Variants in AGBL4 observed in about 807,000 individuals in gnomAD.
The protein encoded by AGBL4 is cytosolic carboxypeptidase 6.
In AGBL4, 58 loss-of-function variants were observed where a neutral mutation model predicts 66.4. The ratio of observed to expected loss-of-function variants is 0.87; its 90% CI spans 0.71 to 1.09. AGBL4 has a LOEUF of 1.09. Among genes scored for constraint, AGBL4 ranks in the 50% least tolerant of loss-of-function variants. The probability of loss-of-function intolerance (pLI) is 0.00; values close to 1 mark genes in which losing one functional copy is unlikely to be tolerated. For missense variants in AGBL4, 579 were observed against 631.0 expected (o/e 0.92, Z 0.88); for synonymous variants, 234 against 222.9 (o/e 1.05, Z -0.44).
intron 5 of AGBL4, among the ~76,000 whole-genome samples, chr1:48,996,531 G>C (rs1019195128): frequency 6.6e-6 from 1 of 152,172 alleles, no homozygotes; most frequent in Non-Finnish European, 1.5e-5. Flanking sequence ...ATTTCAGGAA[G>C]TAGGTTGTCA....
chr1:49,373,158 C>A (rs755090909), intron 3 of AGBL4, among the ~76,000 whole-genome samples: 12 of 152,168 alleles, frequency 7.9e-5, no homozygotes, highest in Non-Finnish European at 1.5e-4. Flanking sequence ...ATACAACTCT[C>A]CCACTTTGTC....
intron 3 of AGBL4, among the ~76,000 whole-genome samples, chr1:49,246,250 T>C (rs909799200): frequency 3.9e-5 from 6 of 152,014 alleles, no homozygotes; most frequent in African/African-American, 9.6e-5. Flanking sequence ...TGGTACACAA[T>C]GAATGTCACA....
At chr1:49,994,054 C>CA (rs749758406) in intron 1 of AGBL4, among the ~76,000 whole-genome samples, 1 of 152,140 alleles carries the variant, frequency 6.6e-6, no homozygotes, top group Non-Finnish European at 1.5e-5. Context: ...ATGTTTTTGG[C>CA]AATTCTAGTC....
intron 2 of AGBL4, among the ~76,000 whole-genome samples, chr1:49,724,883 T>C (rs967713802): frequency 2.0e-5 from 3 of 152,142 alleles, no homozygotes; most frequent in African/African-American, 7.2e-5. Context: ...TCTTGGACTC[T>C]GCAGCCTCCA....
chr1:49,265,888 G>C (rs537634944), intron 3 of AGBL4, among the ~76,000 whole-genome samples: 2 of 152,080 alleles, frequency 1.3e-5, no homozygotes, highest in Admixed American at 1.3e-4. Flanking sequence ...AGGATATAGA[G>C]AGACAGATCA....
At chr1:49,546,959 G>T (rs1002246968) in intron 3 of AGBL4, among the ~76,000 whole-genome samples, 6 of 152,138 alleles carry the variant, frequency 3.9e-5, no homozygotes, top group African/African-American at 1.4e-4. Flanking sequence ...TGGGTTGTTT[G>T]CTTACTTTGC....
At chr1:49,453,392 C>A (rs1557954747) in intron 3 of AGBL4, among the ~76,000 whole-genome samples, 2 of 151,838 alleles carry the variant, frequency 1.3e-5, no homozygotes, top group Non-Finnish European at 2.9e-5. Flanking sequence ...ACCCAGCTAC[C>A]AAGTTATGGT....
At chr1:48,712,838 C>T (rs781208562) in intron 6 of AGBL4, among the ~76,000 whole-genome samples, 24 of 152,198 alleles carry the variant, frequency 1.6e-4, no homozygotes, top group Admixed American at 2.6e-4. Flanking sequence ...ATAGTTGTGG[C>T]CCCCGTGAAT....
chr1:49,959,607 A>G (rs576656516), intron 1 of AGBL4, among the ~76,000 whole-genome samples: 1 of 152,176 alleles, frequency 6.6e-6, no homozygotes, highest in South Asian at 2.1e-4. Context: ...TGCAGCCAAC[A>G]TGTGGAAAGC....
intron 8 of AGBL4, among the ~76,000 whole-genome samples, chr1:48,643,759 G>A (rs1645794025): frequency 6.9e-6 from 1 of 145,462 alleles, no homozygotes; most frequent in South Asian, 2.3e-4. Flanking sequence ...AAACTTATCT[G>A]ACTGGTCAGC....
chr1:49,525,985 G>C (rs372655794), intron 3 of AGBL4, among the ~76,000 whole-genome samples: 11 of 151,848 alleles, frequency 7.2e-5, no homozygotes, highest in African/African-American at 2.2e-4. Context: ...CCAGCTACTC[G>C]GGAGGCTGAG....
At chr1:49,356,382 C>G (rs1264913464) in intron 3 of AGBL4, among the ~76,000 whole-genome samples, 2 of 152,102 alleles carry the variant, frequency 1.3e-5, no homozygotes, top group Non-Finnish European at 2.9e-5. Context: ...GACTATTAAT[C>G]CAATAAACTA....
At chr1:48,939,888 A>T (rs550090832) in intron 5 of AGBL4, among the ~76,000 whole-genome samples, 35 of 152,312 alleles carry the variant, frequency 2.3e-4, no homozygotes, top group South Asian at 4.1e-4. Flanking sequence ...ATATCTGGAG[A>T]TATTTTTAGT....
At chr1:49,362,304 C>A (rs978857665) in intron 3 of AGBL4, among the ~76,000 whole-genome samples, 2 of 152,086 alleles carry the variant, frequency 1.3e-5, no homozygotes, top group Non-Finnish European at 2.9e-5. Flanking sequence ...ATGACTACAA[C>A]CAGCCTCTCA....
chr1:49,335,393 T>C (rs1372071613), intron 3 of AGBL4, among the ~76,000 whole-genome samples: 1 of 152,250 alleles, frequency 6.6e-6, no homozygotes, highest in Non-Finnish European at 1.5e-5. Flanking sequence ...CTTTTCTGTA[T>C]ATAATTCATT....
chr1:49,197,629 G>A (rs1647333853), intron 4 of AGBL4, among the ~76,000 whole-genome samples: 1 of 152,160 alleles, frequency 6.6e-6, no homozygotes, highest in Non-Finnish European at 1.5e-5. Flanking sequence ...CTCTCAAGAT[G>A]CAGTGGGGCT....
At chr1:48,845,784 T>C (rs1646895819) in intron 6 of AGBL4, among the ~76,000 whole-genome samples, 1 of 152,212 alleles carries the variant, frequency 6.6e-6, no homozygotes, top group Non-Finnish European at 1.5e-5. Flanking sequence ...CTACAGGCCA[T>C]GAAACTTTGG....
intron 4 of AGBL4, among the ~76,000 whole-genome samples, chr1:49,221,442 G>A (rs1401155108): frequency 6.6e-6 from 1 of 152,036 alleles, no homozygotes; most frequent in Non-Finnish European, 1.5e-5. Flanking sequence ...TATTTAAGTG[G>A]CTTCCTCATC....
chr1:49,850,920 C>T (rs68007327), intron 2 of AGBL4, among the ~76,000 whole-genome samples: 28,339 of 151,936 alleles, frequency 0.19, 3,264 homozygotes, highest in East Asian at 0.42. Flanking sequence ...TCAGAACACC[C>T]ACAGCATTTG....
Sources: allele counts gnomAD v4.1 joint callset (sites outside exome capture counted in the v4.1 genomes callset), GRCh38; gene constraint gnomAD v4.1.1; transcripts MANE v1.5; gene names NCBI Gene and HGNC (gene_info 2026-07-23, HGNC 2026-07-21).